Variants in AGMO observed in about 807,000 individuals in gnomAD.
The protein encoded by AGMO is alkylglycerol monooxygenase.
In AGMO, 75 loss-of-function variants were observed where a neutral mutation model predicts 60.2. The observed-to-expected ratio is 1.25, with a 90% confidence interval of 1.03 to 1.51. The LOEUF (loss-of-function observed/expected upper bound fraction) is 1.51, where lower values mean the gene tolerates loss of function less well. AGMO is among the 40% of genes most tolerant of loss of function. The pLI is 0.00. For synonymous variants in AGMO, 261 were observed against 177.1 expected, an observed-to-expected ratio of 1.47 and a Z score of -3.76; for missense variants, 763 against 525.5, an observed-to-expected ratio of 1.45 and a Z score of -4.42.
At chr7:15,254,266 T>C (rs1415888030) in intron 12 of AGMO, among the ~76,000 whole-genome samples, 1 of 152,216 alleles carries the variant, frequency 6.6e-6, no homozygotes, top group Non-Finnish European at 1.5e-5. Context: ...GTGGGATTTC[T>C]GGATCATATG....
intron 3 of AGMO, among the ~76,000 whole-genome samples, chr7:15,510,420 C>T (rs543526127): frequency 6.6e-6 from 1 of 151,984 alleles, no homozygotes; most frequent in Non-Finnish European, 1.5e-5. Flanking sequence ...TCAAACAATC[C>T]TCTCGTCTCC....
chr7:15,380,420 G>C (rs1466207924), intron 10 of AGMO, among the ~76,000 whole-genome samples: 3 of 151,894 alleles, frequency 2.0e-5, no homozygotes, highest in East Asian at 1.9e-4. Context: ...ATTGCCACAA[G>C]AATAATAAAA....
intron 3 of AGMO, among the ~76,000 whole-genome samples, chr7:15,458,525 T>A (rs887610417): frequency 6.6e-6 from 1 of 152,152 alleles, no homozygotes; most frequent in Non-Finnish European, 1.5e-5. Context: ...GCAACAAATA[T>A]AATATTTTAC....
chr7:15,251,226 A>C (rs1782924223), intron 12 of AGMO, among the ~76,000 whole-genome samples: 2 of 152,108 alleles, frequency 1.3e-5, no homozygotes, highest in Non-Finnish European at 1.5e-5. Flanking sequence ...TCACAAATTA[A>C]GGAGTATACA....
the AGMO span, among the ~76,000 whole-genome samples, chr7:15,117,943 G>A: frequency 1.3e-5 from 2 of 151,818 alleles, no homozygotes; most frequent in Non-Finnish European, 1.5e-5. Flanking sequence ...AAACTGCGAA[G>A]TTTGATGAAA....
At chr7:15,546,598 ACAGAGCTGGGG>A (rs1489132992) in intron 2 of AGMO, among the ~76,000 whole-genome samples, 1 of 152,220 alleles carries the variant, frequency 6.6e-6, no homozygotes, top group East Asian at 1.9e-4. Flanking sequence ...GGGCATGTAG[ACAGAGCTGGGG>A]CTAGAGGTCT....
chr7:15,267,834 T>C (rs1783479778), intron 12 of AGMO, among the ~76,000 whole-genome samples: 1 of 151,972 alleles, frequency 6.6e-6, no homozygotes, highest in Admixed American at 6.6e-5. Context: ...GCAGAGTATT[T>C]CAAGATATTA....
intron 3 of AGMO, among the ~76,000 whole-genome samples, chr7:15,533,260 C>G (rs566630075): frequency 1.3e-5 from 2 of 152,048 alleles, no homozygotes; most frequent in South Asian, 2.1e-4. Context: ...TATCTCCATT[C>G]TCTTATTCAT....
At chr7:15,504,668 T>C (rs1179520186) in intron 3 of AGMO, among the ~76,000 whole-genome samples, 2 of 151,766 alleles carry the variant, frequency 1.3e-5, no homozygotes, top group African/African-American at 4.8e-5. Context: ...TTTCCGTAAG[T>C]TTTAAATAGA....
chr7:15,417,593 G>C (rs1780809450), intron 5 of AGMO, among the ~76,000 whole-genome samples: 1 of 152,160 alleles, frequency 6.6e-6, no homozygotes, highest in African/African-American at 2.4e-5. Context: ...GTGGTATTGA[G>C]TGTTTGATGT....
intron 12 of AGMO, among the ~76,000 whole-genome samples, chr7:15,250,702 A>C (rs1205920855): frequency 1.3e-5 from 2 of 152,040 alleles, no homozygotes; most frequent in East Asian, 3.9e-4. Flanking sequence ...CACTTTGGGA[A>C]GCTGAGGCAG....
chr7:15,400,845 G>C (rs986461063), intron 5 of AGMO, among the ~76,000 whole-genome samples: 2 of 152,130 alleles, frequency 1.3e-5, no homozygotes, highest in Non-Finnish European at 2.9e-5. Flanking sequence ...TATTATCTGA[G>C]TTCAGTTTTA....
chr7:15,198,957 T>G (rs963970251), downstream of AGMO, among the ~76,000 whole-genome samples: 4 of 152,190 alleles, frequency 2.6e-5, no homozygotes, highest in Non-Finnish European at 5.9e-5. Context: ...GTGGCTAATT[T>G]GTTAGTCCCA....
chr7:15,476,413 C>T (rs1398891690), intron 3 of AGMO, among the ~76,000 whole-genome samples: 2 of 152,116 alleles, frequency 1.3e-5, no homozygotes, highest in African/African-American at 2.4e-5. Context: ...CTTCTTCATG[C>T]CCCAGTTTGT....
chr7:15,243,835 C>T (rs1782665264), intron 12 of AGMO, among the ~76,000 whole-genome samples: 1 of 152,032 alleles, frequency 6.6e-6, no homozygotes, highest in Non-Finnish European at 1.5e-5. Flanking sequence ...GTTTTGTCTG[C>T]CACTACTCTC....
intron 1 of AGMO, 57 bp from the exon 2 acceptor site, chr7:15,560,328 C>G (rs1583692762): frequency 6.4e-7 from 1 of 1,560,418 alleles, no homozygotes; most frequent in East Asian, 2.3e-5. Context: ...AATTATTTTA[C>G]ATTTCCTGAT....
intron 5 of AGMO, among the ~76,000 whole-genome samples, chr7:15,412,515 C>T (rs982913853): frequency 2.0e-5 from 3 of 151,878 alleles, no homozygotes; most frequent in Non-Finnish European, 2.9e-5. Flanking sequence ...AAATTACTCA[C>T]ATGTAGGGCA....
chr7:15,533,000 A>T (rs541157108), intron 3 of AGMO, among the ~76,000 whole-genome samples: 3 of 152,234 alleles, frequency 2.0e-5, no homozygotes, highest in Non-Finnish European at 2.9e-5. Context: ...CAAAAGACAA[A>T]ACAAAACAAA....
At chr7:15,162,665 G>C in the AGMO span, among the ~76,000 whole-genome samples, 1 of 152,122 alleles carries the variant, frequency 6.6e-6, no homozygotes, top group Non-Finnish European at 1.5e-5. Flanking sequence ...CTGCACTCCA[G>C]CCTAGACAAC....
Sources: allele counts gnomAD v4.1 joint callset (sites outside exome capture counted in the v4.1 genomes callset), GRCh38; gene constraint gnomAD v4.1.1; transcripts MANE v1.5; gene names NCBI Gene and HGNC (gene_info 2026-07-23, HGNC 2026-07-21).